The following EYA2 variants were observed in gnomAD, a reference collection of about 807,000 sequenced individuals.
EYA2 encodes EYA transcriptional coactivator and phosphatase 2.
Under a neutral mutation model 69.2 loss-of-function variants are expected in EYA2, and 31 were observed. That is an observed-to-expected ratio of 0.45 (90% confidence interval 0.34 to 0.60). EYA2 has a LOEUF of 0.60. Among genes scored for constraint, EYA2 ranks in the 20% least tolerant of loss-of-function variants. EYA2 has a pLI of 0.02. For missense variants in EYA2, 622 were observed against 701.2 expected (o/e 0.89, Z 1.28); for synonymous variants, 257 against 279.4 (o/e 0.92, Z 0.80).
chr20:47,048,030 A>T (rs2030136636), intron 5 of EYA2, among the ~76,000 whole-genome samples: 1 of 152,204 alleles, frequency 6.6e-6, no homozygotes, highest in Non-Finnish European at 1.5e-5. Context: ...ATAATCCAGG[A>T]TCATCTGCCC....
chr20:46,988,074 T>C (rs1981409723), intron 1 of EYA2, among the ~76,000 whole-genome samples: 1 of 148,660 alleles, frequency 6.7e-6, no homozygotes, highest in South Asian at 2.1e-4. Context: ...ACATAGTGTT[T>C]ACATTGCGTT....
At chr20:47,092,782 A>G (rs3827060) in intron 8 of EYA2, among the ~76,000 whole-genome samples, 79,637 of 152,012 alleles carry the variant, frequency 0.52, 21,390 homozygotes, top group East Asian at 0.75. Flanking sequence ...TTTCACTTCT[A>G]TGCTTAATGT....
chr20:47,003,911 GA>G (rs1229021684), intron 3 of EYA2, among the ~76,000 whole-genome samples: 1 of 152,194 alleles, frequency 6.6e-6, no homozygotes, highest in Non-Finnish European at 1.5e-5. Flanking sequence ...TCTAAACCAG[GA>G]GAGATAAGAG....
intron 5 of EYA2, among the ~76,000 whole-genome samples, chr20:47,019,012 AGG>A (rs1302775115): frequency 1.3e-5 from 2 of 152,180 alleles, no homozygotes; most frequent in Non-Finnish European, 2.9e-5. Flanking sequence ...CTCATCTTAC[AGG>A]TGGAGAAACT....
intron 9 of EYA2, among the ~76,000 whole-genome samples, chr20:47,125,187 G>A (rs1173042589): frequency 6.6e-6 from 1 of 151,622 alleles, no homozygotes; most frequent in Non-Finnish European, 1.5e-5. Flanking sequence ...CCGAGTAGCT[G>A]GGACTACAGG....
intron 9 of EYA2, among the ~76,000 whole-genome samples, chr20:47,102,005 G>T (rs1421930191): frequency 2.0e-5 from 3 of 152,210 alleles, no homozygotes; most frequent in Non-Finnish European, 4.4e-5. Context: ...GCATATTTAA[G>T]CTGCAAAGAA....
At chr20:47,102,324 G>A (rs556412936) in intron 9 of EYA2, among the ~76,000 whole-genome samples, 1 of 152,218 alleles carries the variant, frequency 6.6e-6, no homozygotes, top group Non-Finnish European at 1.5e-5. Flanking sequence ...AGGAGGGGCA[G>A]ATCAGCTCCA....
At chr20:47,014,799 T>TG (rs1911148594) in intron 4 of EYA2, among the ~76,000 whole-genome samples, 1 of 152,162 alleles carries the variant, frequency 6.6e-6, no homozygotes, top group African/African-American at 2.4e-5. Flanking sequence ...GTGTGTTATG[T>TG]GTGTATTTGC....
intron 10 of EYA2, among the ~76,000 whole-genome samples, chr20:47,163,397 A>G (rs913843703): frequency 2.6e-5 from 4 of 152,076 alleles, no homozygotes; most frequent in African/African-American, 9.7e-5. Flanking sequence ...TCCATGTGCT[A>G]GCATAAAAAT....
intron 5 of EYA2, among the ~76,000 whole-genome samples, chr20:47,031,251 C>T (rs928499245): frequency 6.6e-6 from 1 of 152,122 alleles, no homozygotes; most frequent in Admixed American, 6.5e-5. Context: ...ACAAGTGTCG[C>T]CAGCAGATAG....
At chr20:47,072,669 T>C (rs1161783125) in intron 6 of EYA2, among the ~76,000 whole-genome samples, 1 of 152,172 alleles carries the variant, frequency 6.6e-6, no homozygotes, top group Non-Finnish European at 1.5e-5. Flanking sequence ...TTATAAATAC[T>C]TGTTAAATAG....
intron 10 of EYA2, among the ~76,000 whole-genome samples, chr20:47,164,675 C>A (rs766554856): frequency 2.0e-4 from 30 of 151,980 alleles, no homozygotes; most frequent in Non-Finnish European, 3.7e-4. Context: ...CTAGGGGGGT[C>A]AAGGATCCAG....
intron 1 of EYA2, among the ~76,000 whole-genome samples, chr20:46,965,429 C>T (rs1979714396): frequency 6.6e-6 from 1 of 152,240 alleles, no homozygotes; most frequent in Non-Finnish European, 1.5e-5. Flanking sequence ...GCCAGAGTCA[C>T]CAGGCACCCC....
chr20:47,115,133 A>G (rs942543352), intron 9 of EYA2, among the ~76,000 whole-genome samples: 50 of 152,206 alleles, frequency 3.3e-4, no homozygotes, highest in African/African-American at 1.2e-3. Context: ...AAATTTGCTC[A>G]CAGGTGGGGC....
At chr20:46,904,429 C>A (rs1341256098) in intron 1 of EYA2, among the ~76,000 whole-genome samples, 1 of 151,570 alleles carries the variant, frequency 6.6e-6, no homozygotes, top group East Asian at 1.9e-4. Flanking sequence ...TTAAAATATT[C>A]TATTAAAGCC....
chr20:47,050,907 C>T (rs963759753), intron 5 of EYA2, among the ~76,000 whole-genome samples: 3 of 152,246 alleles, frequency 2.0e-5, no homozygotes, highest in Non-Finnish European at 4.4e-5. Flanking sequence ...GCTCCTTGCC[C>T]CGCTGGGACA....
chr20:47,088,347 A>G (rs2031961875), intron 7 of EYA2, among the ~76,000 whole-genome samples: 1 of 152,214 alleles, frequency 6.6e-6, no homozygotes, highest in South Asian at 2.1e-4. Context: ...GAGAGAGGGG[A>G]ATCTTCTAAA....
intron 1 of EYA2, among the ~76,000 whole-genome samples, chr20:46,949,761 A>C (rs1302483183): frequency 6.6e-6 from 1 of 152,234 alleles, no homozygotes; most frequent in Non-Finnish European, 1.5e-5. Context: ...TATGCATTTT[A>C]AGATTTGTGT....
intron 1 of EYA2, among the ~76,000 whole-genome samples, chr20:46,902,347 ATATT>A (rs971989164): frequency 6.6e-5 from 10 of 152,176 alleles, no homozygotes; most frequent in African/African-American, 2.4e-4. Context: ...TATTTATTGA[ATATT>A]TATTATGTCC....
Sources: allele counts gnomAD v4.1 joint callset (sites outside exome capture counted in the v4.1 genomes callset), GRCh38; gene constraint gnomAD v4.1.1; transcripts MANE v1.5; gene names NCBI Gene and HGNC (gene_info 2026-07-23, HGNC 2026-07-21).